The following TPD52 variants were observed in gnomAD, a reference collection of about 807,000 sequenced individuals.
TPD52 encodes tumor protein D52.
A neutral mutation model predicts 31.3 loss-of-function variants in TPD52; 17 were observed. The observed-to-expected ratio is 0.54, with a 90% confidence interval of 0.37 to 0.82. The LOEUF is 0.82. Ranked by LOEUF, TPD52 falls within the 40% of genes least tolerant of loss-of-function variation. TPD52 has a pLI of 0.00. For synonymous variants in TPD52, 83 were observed against 89.6 expected (o/e 0.93, Z 0.42); for missense variants, 212 against 240.1 (o/e 0.88, Z 0.77).
chr8:80,159,181 T>C (rs1811191835), intron 1 of TPD52, among the ~76,000 whole-genome samples: 1 of 152,216 alleles, frequency 6.6e-6, no homozygotes, highest in African/African-American at 2.4e-5. Context: ...GATTTGTACC[T>C]AATTTTCATG....
rs1418163971 is a variant in TPD52 at position 80,155,673 on chromosome 8, C to T, written c.19+15752G>A. On this transcript the variant is annotated intron_variant, in intron 1 of 7. Transcript: ENST00000518937. ...CCGAGGCGGGCAGATCACTTGAGGTCGGGAGTTCAAGATCAGCCTGACCAA... is the reference window on the plus strand; with the variant it reads ...CCGAGGCGGGCAGATCACTTGAGGTTGGGAGTTCAAGATCAGCCTGACCAA... 8.5e-5 allele frequency among the ~76,000 whole-genome samples: 13 copies of T among 152,070 alleles called. 1 individual carries two copies. The highest frequency in any genetic ancestry group is 4.6e-4 in the Admixed American group (7 of 15,272).
At chr8:80,079,206 G>T (rs924884885) in intron 1 of TPD52, among the ~76,000 whole-genome samples, 2 of 152,200 alleles carry the variant, frequency 1.3e-5, no homozygotes, top group Non-Finnish European at 2.9e-5. Context: ...AGAGGTCTGA[G>T]GGGGGCCACT....
intron 4 of TPD52, among the ~76,000 whole-genome samples, 192 bp from the exon 5 acceptor site, chr8:80,050,663 T>G (rs1164085112): frequency 2.0e-5 from 3 of 152,154 alleles, no homozygotes; most frequent in Admixed American, 6.5e-5. Context: ...AAAGCTATAT[T>G]TATTACATTA....
At chr8:80,112,123 T>C (rs1004919363) in intron 1 of TPD52, among the ~76,000 whole-genome samples, 1 of 152,202 alleles carries the variant, frequency 6.6e-6, no homozygotes, top group African/African-American at 2.4e-5. Context: ...AGGGTGACTG[T>C]TGAATTTGAA....
At chr8:80,041,159 G>A (rs1362541623) in intron 7 of TPD52, among the ~76,000 whole-genome samples, 1 of 152,170 alleles carries the variant, frequency 6.6e-6, no homozygotes, top group Non-Finnish European at 1.5e-5. Flanking sequence ...GGATGGTAGG[G>A]GAGGGATAGC....
At chr8:80,052,290 AAG>A (rs1373865541) in intron 3 of TPD52, among the ~76,000 whole-genome samples, 1 of 152,178 alleles carries the variant, frequency 6.6e-6, no homozygotes, top group Non-Finnish European at 1.5e-5. Flanking sequence ...GAGATTAGAG[AAG>A]AGAAAAGCAA....
intron 1 of TPD52, among the ~76,000 whole-genome samples, chr8:80,149,181 G>C (rs1223958775): frequency 6.6e-6 from 1 of 152,158 alleles, no homozygotes; most frequent in African/African-American, 2.4e-5. Flanking sequence ...GTTGTGGGAG[G>C]GACCCAGTGG....
downstream of TPD52, among the ~76,000 whole-genome samples, chr8:80,031,425 G>C (rs939762970): frequency 2.0e-5 from 3 of 152,150 alleles, no homozygotes. Context: ...TCTCCCTCTT[G>C]GCAGTTAAAA....
intron 1 of TPD52, among the ~76,000 whole-genome samples, chr8:80,137,395 TA>T (rs201778854): frequency 0.018 from 2,622 of 147,582 alleles, 78 homozygotes; most frequent in African/African-American, 0.061. Flanking sequence ...GCTTTTTTCT[TA>T]AAAAATGGAA....
At chr8:80,082,119 T>G (rs1040697686) in intron 1 of TPD52, among the ~76,000 whole-genome samples, 4 of 82,330 alleles carry the variant, frequency 4.9e-5, no homozygotes, top group African/African-American at 2.5e-4. Context: ...ATGGTAAGTC[T>G]TTTTTTTTTT....
At chr8:80,042,702 C>A (rs1330903534) in intron 6 of TPD52, 34 bp from the exon 7 acceptor site, 1 of 1,572,434 alleles carries the variant, frequency 6.4e-7, no homozygotes, top group Non-Finnish European at 8.6e-7. Context: ...ATAGTAAATA[C>A]AAATACTGAA....
Position 80,171,436 on chromosome 8 carries a change from C to T in TPD52, c.8G>A (p.Arg3His), listed in dbSNP as rs758766628. 3 of 1,594,522 alleles carry T rather than the reference C, an allele frequency of 1.9e-6. No individual in the cohort carries two copies. The highest frequency in any genetic ancestry group is 2.5e-6 in the Non-Finnish European group (3 of 1,177,580). Residue 3 changes from arginine (R) to histidine (H), a missense_variant, in exon 1 of 8, where the codon CGC (arginine) becomes CAC (histidine). By Grantham distance (29) the Arg-to-His change is conservative. Transcript: ENST00000518937. ...GTCCGCGCCCTCACCTTGCTCGCCG[C>T]GGTCCATGTCTCCAGCCCGCCGCCT... is the stretch of plus-strand genomic sequence containing the variant. MDRGEQGLLRTDP... is the reference protein window; with the variant it reads MDHGEQGLLRTDP...
intron 1 of TPD52, among the ~76,000 whole-genome samples, chr8:80,115,412 AAGC>A (rs1807796412): frequency 6.6e-6 from 1 of 152,264 alleles, no homozygotes; most frequent in Non-Finnish European, 1.5e-5. Flanking sequence ...AGATGACGAA[AAGC>A]AGAGCAAGAG....
At chr8:80,140,115 C>T (rs1195614609) in intron 1 of TPD52, among the ~76,000 whole-genome samples, 1 of 152,188 alleles carries the variant, frequency 6.6e-6, no homozygotes, top group Non-Finnish European at 1.5e-5. Context: ...GACGCTGGTT[C>T]GATGCCTGCA....
In TPD52 at chr8:80,135,250, C is replaced by G. The variant is rs1263222427; in HGVS notation, c.19+36175G>C. ...GCTGACTAAAATCTATCCAAAGCCT[C>G]CTTATTTAGAACATTTGAAATAATT... On this transcript the variant is annotated intron_variant, in intron 1 of 7. Transcript: ENST00000518937. Among the ~76,000 whole-genome samples the G allele has an allele frequency of 3.3e-5, 5 of 152,304 alleles. No homozygotes were observed. In the East Asian group the frequency reaches 9.6e-4, roughly 29 times the overall value.
intron 1 of TPD52, among the ~76,000 whole-genome samples, chr8:80,108,250 C>G (rs1807266980): frequency 6.6e-6 from 1 of 152,124 alleles, no homozygotes; most frequent in African/African-American, 2.4e-5. Flanking sequence ...TGTTCAATAT[C>G]TCATGACATT....
intron 1 of TPD52, among the ~76,000 whole-genome samples, chr8:80,149,431 A>T (rs973115695): frequency 1.3e-5 from 2 of 152,120 alleles, no homozygotes; most frequent in Non-Finnish European, 2.9e-5. Context: ...TAAATTACCC[A>T]CTTTCCAGTA....
chr8:80,099,925 T>G (rs1310077422), intron 1 of TPD52, among the ~76,000 whole-genome samples: 1 of 152,204 alleles, frequency 6.6e-6, no homozygotes, highest in Admixed American at 6.5e-5. Context: ...AAATATTTGG[T>G]GAAAACAGCC....
chr8:80,133,402 T>C (rs1404040769), intron 1 of TPD52, among the ~76,000 whole-genome samples: 1 of 152,136 alleles, frequency 6.6e-6, no homozygotes, highest in Non-Finnish European at 1.5e-5. Flanking sequence ...AGCTGTCTGG[T>C]GGATGCCAAC....
Sources: allele counts gnomAD v4.1 joint callset (sites outside exome capture counted in the v4.1 genomes callset), GRCh38; gene constraint gnomAD v4.1.1; transcripts MANE v1.5; gene names NCBI Gene and HGNC (gene_info 2026-07-23, HGNC 2026-07-21).